PTPRN2: variants seen among roughly 807,000 people sequenced by gnomAD.
PTPRN2 encodes the protein protein tyrosine phosphatase receptor type N2, also known as receptor-type tyrosine-protein phosphatase N2.
PTPRN2 carries 74 observed loss-of-function variants against 118.8 expected under a neutral mutation model. That is an observed-to-expected ratio of 0.62 (90% CI 0.52 to 0.76). The LOEUF is 0.76. Ranked by LOEUF, PTPRN2 falls within the 30% of genes least tolerant of loss-of-function variation. The probability of loss-of-function intolerance (pLI) is 0.00; values close to 1 mark genes in which losing one functional copy is unlikely to be tolerated. For synonymous variants in PTPRN2, 641 were observed against 608.0 expected (o/e 1.05, Z -0.80); for missense variants, 1,481 against 1,394.4 (o/e 1.06, Z -0.99).
At chr7:157,743,120 G>T (rs1273858718) in intron 12 of PTPRN2, among the ~76,000 whole-genome samples, 1 of 152,222 alleles carries the variant, frequency 6.6e-6, no homozygotes, top group African/African-American at 2.4e-5. Context: ...CACTCACTGA[G>T]CCTGGGCAGC....
chr7:158,560,011 C>A (rs1827275786), intron 1 of PTPRN2, among the ~76,000 whole-genome samples: 1 of 152,262 alleles, frequency 6.6e-6, no homozygotes, highest in Admixed American at 6.5e-5. Flanking sequence ...AACACTGACT[C>A]CCCTTTCCCC....
intron 2 of PTPRN2, among the ~76,000 whole-genome samples, chr7:158,472,820 C>T (rs547168599): frequency 7.2e-5 from 11 of 152,316 alleles, no homozygotes; most frequent in African/African-American, 2.4e-4. Flanking sequence ...CATTTCCTCC[C>T]AACTCCACCT....
At chr7:157,818,401 G>GA (rs1408631140) in intron 12 of PTPRN2, among the ~76,000 whole-genome samples, 1 of 152,102 alleles carries the variant, frequency 6.6e-6, no homozygotes, top group African/African-American at 2.4e-5. Context: ...GAGATGGGTG[G>GA]GGTCATTGGG....
chr7:158,417,838 A>C (rs12540788), intron 2 of PTPRN2, among the ~76,000 whole-genome samples: 1 of 92,674 alleles, frequency 1.1e-5, no homozygotes, highest in Non-Finnish European at 2.2e-5. Flanking sequence ...GTTAAGTCAC[A>C]GTGTACTACA....
At chr7:157,847,786 T>C in intron 12 of PTPRN2, among the ~76,000 whole-genome samples, 1 of 146,934 alleles carries the variant, frequency 6.8e-6, no homozygotes, top group East Asian at 2.1e-4. Flanking sequence ...CAGAGCCCTC[T>C]CTCACTCCAT....
At chr7:158,327,425 TCACA>T (rs35201439) in intron 2 of PTPRN2, among the ~76,000 whole-genome samples, 68 of 149,512 alleles carry the variant, frequency 4.5e-4, no homozygotes, top group African/African-American at 8.2e-4. Context: ...GTACACGTTC[TCACA>T]CACATTCTCA....
At chr7:158,161,114 C>T (rs1822318968) in intron 6 of PTPRN2, among the ~76,000 whole-genome samples, 1 of 152,116 alleles carries the variant, frequency 6.6e-6, no homozygotes, top group South Asian at 2.1e-4. Flanking sequence ...GACTGGCTCC[C>T]AAAGACTCAA....
At chr7:158,558,546 C>T (rs1827191453) in intron 1 of PTPRN2, among the ~76,000 whole-genome samples, 1 of 152,024 alleles carries the variant, frequency 6.6e-6, no homozygotes, top group African/African-American at 2.4e-5. Flanking sequence ...CCAGCGGAGG[C>T]AGGGTACCTC....
intron 6 of PTPRN2, among the ~76,000 whole-genome samples, chr7:158,147,776 G>GACA (rs1820316377): frequency 9.4e-6 from 1 of 106,766 alleles, no homozygotes; most frequent in Admixed American, 1.0e-4. Context: ...CACGCCACGT[G>GACA]TTATTCCCCC....
Position 157,560,287 on chromosome 7 carries a change from C to T in PTPRN2, c.2902+8615G>A, listed in dbSNP as rs1799118802. ...GAGCTGGTACACTCAGTGAGGACGG[C>T]TCCATGCACAGGGACGAAGACCCCC... On this transcript the variant is annotated intron_variant, in intron 21 of 22. Coordinates refer to ENST00000389418, the MANE Select transcript of PTPRN2 (RefSeq NM_002847.5). The surrounding 1 kb of genome is among the most constrained non-coding windows in gnomAD (Gnocchi z 6.7). 6.6e-6 allele frequency among the ~76,000 whole-genome samples: 1 copy of T among 152,144 alleles called. No individual in the cohort carries two copies. Among genetic ancestry groups the T allele is most frequent in the African/African-American group, 2.4e-5 (1 of 41,422 alleles).
In PTPRN2 at chr7:158,188,234, G is replaced by A. The variant is rs111465701; in HGVS notation, c.549+4093C>T. On this transcript the variant is annotated intron_variant, in intron 5 of 22. Coordinates refer to ENST00000389418, the MANE Select transcript of PTPRN2 (RefSeq NM_002847.5). ...GCCGCCTGATGGGGAAGGCCGCCACGCTTGCCCCGCGATGGGGAAGGCCGC... is the reference window on the plus strand; with the variant it reads ...GCCGCCTGATGGGGAAGGCCGCCACACTTGCCCCGCGATGGGGAAGGCCGC... Among the ~76,000 whole-genome samples, 266 of 69,280 alleles carry A rather than the reference G, an allele frequency of 3.8e-3. 10 individuals are homozygous for A. The highest frequency in any genetic ancestry group is 5.4e-3 in the Non-Finnish European group (176 of 32,486). The allele number at this position is 69,280 out of a possible 152,430, so 45.5% of individuals were successfully genotyped here.
chr7:158,188,506 T>C lies in PTPRN2; in HGVS notation c.549+3821A>G, dbSNP rs548832090. ...GGGGAAGGCCGCCACGCTCGCCCCCTGATGGGGAAGGCCGCCACGCTCGCC... is the reference window on the plus strand; with the variant it reads ...GGGGAAGGCCGCCACGCTCGCCCCCCGATGGGGAAGGCCGCCACGCTCGCC... On this transcript the variant is annotated intron_variant, in intron 5 of 22. Coordinates refer to ENST00000389418, the MANE Select transcript of PTPRN2 (RefSeq NM_002847.5). 2.7e-4 allele frequency among the ~76,000 whole-genome samples: 4 copies of C among 14,878 alleles called. 2 individuals are homozygous for C. The highest frequency in any genetic ancestry group is 5.6e-3 in the South Asian group (2 of 360). The allele number at this position is 14,878 out of a possible 152,430, so 9.8% of individuals were successfully genotyped here.
intron 11 of PTPRN2, among the ~76,000 whole-genome samples, chr7:157,900,058 G>A (rs904421931): frequency 1.3e-5 from 2 of 152,164 alleles, no homozygotes; most frequent in Non-Finnish European, 2.9e-5. Context: ...GAGTACAAAT[G>A]CAACCTTAGA....
chr7:158,164,348 G>A (rs538849986), intron 6 of PTPRN2, among the ~76,000 whole-genome samples: 2 of 143,454 alleles, frequency 1.4e-5, no homozygotes, highest in African/African-American at 2.6e-5. Context: ...CAGGAGTGGC[G>A]CGTAAGAAGG....
chr7:158,090,403 T>C (rs1814020609), intron 10 of PTPRN2, among the ~76,000 whole-genome samples: 1 of 152,246 alleles, frequency 6.6e-6, no homozygotes. Context: ...TAAAACTACC[T>C]TTAACCAAAA....
At position 158,333,160 on chromosome 7, in the gene PTPRN2, G is replaced by A. The variant is rs112838893; in HGVS notation, c.164-16228C>T. Among the ~76,000 whole-genome samples the A allele has an allele frequency of 1.7e-4, 18 of 107,828 alleles. 3 individuals are homozygous for A. The highest frequency in any genetic ancestry group is 8.0e-4 in the African/African-American group (18 of 22,504). 70.7% of individuals were successfully genotyped at this position (107,828 alleles called of 152,430 possible). A position where few individuals can be genotyped will look rare whatever the true frequency, so the allele number is the denominator to read the frequency against. ...CACCCACAGTCTCACCATAAGAGGT[G>A]ACACCTGCAGACGTCACTCAAACCC... On this transcript the variant is annotated intron_variant, in intron 2 of 22. Transcript: ENST00000389418.
intron 6 of PTPRN2, among the ~76,000 whole-genome samples, chr7:158,146,660 G>A (rs557236847): frequency 2.7e-5 from 4 of 147,826 alleles, no homozygotes; most frequent in South Asian, 2.1e-4. Flanking sequence ...GGCGGAGCTA[G>A]TAGTGAGCTG....
chr7:157,622,246 T>TAACTCC lies in PTPRN2; in HGVS notation c.2197-738_2197-737insGGAGTT, dbSNP rs2150643944. ...TATGGCACCACAGGAAGTGACGGCC[T>TAACTCC]CGTCTGCTGTCACTCTGCTTGTGGA... On this transcript the variant is annotated intron_variant, in intron 14 of 22. Coordinates refer to ENST00000389418, the MANE Select transcript of PTPRN2 (RefSeq NM_002847.5). The surrounding 1 kb of genome is among the most constrained non-coding windows in gnomAD (Gnocchi z 5.3). Among the ~76,000 whole-genome samples, 1 of 152,050 alleles carries TAACTCC rather than the reference T, an allele frequency of 6.6e-6. No individual in the cohort carries two copies. The highest frequency in any genetic ancestry group is 1.5e-5 in the Non-Finnish European group (1 of 67,996).
At chr7:157,661,690 G>A (rs1450561928) in intron 13 of PTPRN2, among the ~76,000 whole-genome samples, 1 of 152,224 alleles carries the variant, frequency 6.6e-6, no homozygotes, top group East Asian at 1.9e-4. Context: ...TGGGGAAGCC[G>A]GGTCCTGGGT....
Sources: allele counts gnomAD v4.1 joint callset (sites outside exome capture counted in the v4.1 genomes callset), GRCh38; gene constraint gnomAD v4.1.1; non-coding constraint Gnocchi (gnomAD v3.1); transcripts MANE v1.5; gene names NCBI Gene and HGNC (gene_info 2026-07-23, HGNC 2026-07-21).